The following RCBTB2 variants were observed in gnomAD, a reference collection of about 807,000 sequenced individuals.
RCBTB2 encodes the protein RCC1 and BTB domain containing protein 2.
RCBTB2 carries 55 observed loss-of-function variants against 65.4 expected under a neutral mutation model. The observed-to-expected ratio is 0.84, with a 90% CI of 0.68 to 1.05. The LOEUF (loss-of-function observed/expected upper bound fraction) is 1.05, where lower values mean the gene tolerates loss of function less well. Among genes scored for constraint, RCBTB2 ranks in the 50% least tolerant of loss-of-function variants. The pLI, the probability that RCBTB2 is intolerant of heterozygous loss-of-function variation, is 0.00. For missense variants in RCBTB2, 599 were observed against 680.1 expected (o/e 0.88, Z 1.33); for synonymous variants, 220 against 255.2 (o/e 0.86, Z 1.31).
At position 48,524,709 on chromosome 13, in the gene RCBTB2, T is replaced by C. The variant is rs1262800683; in HGVS notation, c.-170A>G. On this transcript the variant is annotated 5_prime_UTR_variant, in exon 2 of 15. Transcript: ENST00000344532. ...CAGTATTCAGTCATCTTTAATCCTG[T>C]TCCTTTTAGATCCTTGTAAAGTTGT... is the stretch of plus-strand genomic sequence containing the variant. 6.6e-6 allele frequency: 1 copy of C among 152,202 alleles called. No individual in the cohort carries two copies. Among genetic ancestry groups the C allele is most frequent in the Non-Finnish European group, 1.5e-5 (1 of 68,028 alleles). 9.4% of individuals were successfully genotyped at this position (152,202 alleles called of 1,614,324 possible).
Position 48,493,309 on chromosome 13 carries a change from A to ACTCTCT in RCBTB2, c.1515+2881_1515+2882insAGAGAG, listed in dbSNP as rs1429120157. Among the ~76,000 whole-genome samples, 7 of 47,914 alleles carry ACTCTCT rather than the reference A, an allele frequency of 1.5e-4. 1 individual carries two copies. In the South Asian group the frequency reaches 3.5e-3, roughly 24 times the overall value. 31.4% of individuals were successfully genotyped at this position (47,914 alleles called of 152,430 possible). On this transcript the variant is annotated intron_variant, in intron 14 of 14. Transcript: ENST00000344532. ...TCTCTCCACACACACACACACACAC[A>ACTCTCT]CACACACTCTCTCTCTCTCTCTCTC...
At chr13:48,493,696 C>T (rs149764637) in intron 14 of RCBTB2, among the ~76,000 whole-genome samples, 28 of 152,166 alleles carry the variant, frequency 1.8e-4, no homozygotes, top group African/African-American at 4.1e-4. Flanking sequence ...TGTCTTGCCT[C>T]CCTGACCATT....
At chr13:48,490,289 T>C (rs745808066) in intron 14 of RCBTB2, 38 bp from the exon 15 acceptor site, 12 of 1,575,898 alleles carry the variant, frequency 7.6e-6, no homozygotes, top group Non-Finnish European at 9.6e-6. Context: ...TAAATTCATA[T>C]TTACTAATTC....
Position 48,490,000 on chromosome 13 carries a change from G to A in RCBTB2, c.*111C>T, listed in dbSNP as rs1949630188. The A allele has an allele frequency of 1.7e-6, 2 of 1,189,038 alleles. No homozygotes were observed. The highest frequency in any genetic ancestry group is 1.5e-5 in the African/African-American group (1 of 65,542). 73.7% of individuals were successfully genotyped at this position (1,189,038 alleles called of 1,614,324 possible). ...ACCATCCTTCTTCTGACAGTTACAAGTACTCAGCCAAACATAGCTCATCAT... is the reference window on the plus strand; with the variant it reads ...ACCATCCTTCTTCTGACAGTTACAAATACTCAGCCAAACATAGCTCATCAT... On this transcript the variant is annotated 3_prime_UTR_variant, in exon 15 of 15. Coordinates refer to ENST00000344532, the MANE Select transcript of RCBTB2 (RefSeq NM_001268.4).
At chr13:48,490,522 A>G (rs1949653112) in intron 14 of RCBTB2, among the ~76,000 whole-genome samples, 1 of 152,222 alleles carries the variant, frequency 6.6e-6, no homozygotes, top group Non-Finnish European at 1.5e-5. Flanking sequence ...TCCCAGAGAT[A>G]GGCATGTGAG....
intron 13 of RCBTB2, among the ~76,000 whole-genome samples, chr13:48,499,142 A>ACACACTCTCT (rs1366425462): frequency 2.0e-4 from 27 of 132,380 alleles, no homozygotes; most frequent in African/African-American, 3.8e-4. Flanking sequence ...ACACACACAC[A>ACACACTCTCT]CTCTCTCTCT....
intron 4 of RCBTB2, among the ~76,000 whole-genome samples, chr13:48,521,413 G>C (rs1164894671): frequency 6.6e-6 from 1 of 152,192 alleles, no homozygotes; most frequent in Non-Finnish European, 1.5e-5. Flanking sequence ...ATGCGTGCAG[G>C]AAGATGTGAG....
intron 14 of RCBTB2, among the ~76,000 whole-genome samples, chr13:48,495,847 G>A (rs1180599233): frequency 2.0e-5 from 3 of 151,992 alleles, no homozygotes; most frequent in Non-Finnish European, 1.5e-5. Flanking sequence ...TGTTCCTATT[G>A]TCTTTTTGTT....
At chr13:48,531,455 G>A (rs1283226032) in intron 1 of RCBTB2, among the ~76,000 whole-genome samples, 3 of 152,222 alleles carry the variant, frequency 2.0e-5, no homozygotes, top group Non-Finnish European at 4.4e-5. Flanking sequence ...GACATTTTAG[G>A]TGAGGTAGTC....
At chr13:48,501,934 T>C (rs1054578344) in intron 11 of RCBTB2, 66 bp from the exon 12 acceptor site, 45 of 1,445,182 alleles carry the variant, frequency 3.1e-5, no homozygotes, top group African/African-American at 4.2e-5. Flanking sequence ...GGACAGGATA[T>C]GGCACTACTC....
At chr13:48,507,840 C>T (rs759653771) in intron 10 of RCBTB2, among the ~76,000 whole-genome samples, 1 of 152,176 alleles carries the variant, frequency 6.6e-6, no homozygotes, top group Non-Finnish European at 1.5e-5. Flanking sequence ...AACAAAGATA[C>T]AAATGTTGGT....
chr13:48,515,005 T>TCA (rs1951003937), intron 6 of RCBTB2, among the ~76,000 whole-genome samples, 200 bp downstream of exon 6: 1 of 152,342 alleles, frequency 6.6e-6, no homozygotes, highest in East Asian at 1.9e-4. Flanking sequence ...GCGTTGTCAT[T>TCA]CATACATCTA....
At chr13:48,533,645 G>A (rs189202501), upstream of RCBTB2, among the ~76,000 whole-genome samples, 1 of 152,192 alleles carries the variant, frequency 6.6e-6, no homozygotes, top group Non-Finnish European at 1.5e-5. Context: ...AGTTACCTTG[G>A]GGCCAAGGGC....
chr13:48,518,472 A>AAAAAAAAAAAT (rs1491137365), intron 4 of RCBTB2, among the ~76,000 whole-genome samples: 2 of 116,620 alleles, frequency 1.7e-5, no homozygotes, highest in African/African-American at 7.5e-5. Context: ...AAAAAAAAAA[A>AAAAAAAAAAAT]ATATATATAT....
Position 48,490,086 on chromosome 13 carries a change from C to G in RCBTB2, c.*25G>C. 2.5e-6 allele frequency: 4 copies of G among 1,613,318 alleles called. No homozygotes were observed. Among genetic ancestry groups the G allele is most frequent in the Non-Finnish European group, 3.4e-6 (4 of 1,179,534 alleles). On this transcript the variant is annotated 3_prime_UTR_variant, in exon 15 of 15. Coordinates refer to ENST00000344532, the MANE Select transcript of RCBTB2 (RefSeq NM_001268.4). ...GGCTTTTGCAGGGGAAATGGAAAGG[C>G]TCAAAAACTTTCCTGCAGATGGGAT...
Position 48,523,719 on chromosome 13 carries a change from C to T in RCBTB2, c.-120+940G>A, listed in dbSNP as rs1033433211. ...CTGCCCCTCACTGCACTACCCTAGG[C>T]CCCCTTTCGTTCCTAGCAGAAGGGA... On this transcript the variant is annotated intron_variant, in intron 2 of 14. Transcript: ENST00000344532. 2.3e-4 allele frequency among the ~76,000 whole-genome samples: 35 copies of T among 152,126 alleles called. 1 individual carries two copies. The highest frequency in any genetic ancestry group is 5.9e-5 in the Non-Finnish European group (4 of 68,020).
chr13:48,510,856 A>T, intron 9 of RCBTB2, 85 bp from the exon 10 acceptor site: 1 of 1,329,834 alleles, frequency 7.5e-7, no homozygotes, highest in Non-Finnish European at 1.0e-6. Flanking sequence ...ATCAAAAATG[A>T]AAAAAAAAGG....
At chr13:48,496,723 A>C (rs1949990237) in intron 13 of RCBTB2, among the ~76,000 whole-genome samples, 1 of 150,026 alleles carries the variant, frequency 6.7e-6, no homozygotes. Context: ...AGAAGAAAAG[A>C]AAACAAAAGA....
intron 13 of RCBTB2, among the ~76,000 whole-genome samples, chr13:48,497,024 T>A (rs1566261701): frequency 3.3e-5 from 5 of 152,192 alleles, no homozygotes; most frequent in African/African-American, 1.2e-4. Context: ...CCACCACTAC[T>A]GCAGTCACAC....
Sources: gnomAD v4.1 joint callset for allele counts (sites outside exome capture counted in the v4.1 genomes callset) on GRCh38, gnomAD v4.1.1 for gene constraint, MANE v1.5 for transcripts, NCBI Gene and HGNC (gene_info 2026-07-23, HGNC 2026-07-21) for gene names.